Variants in CUX1 observed in about 807,000 individuals in gnomAD.
CUX1 encodes protein CASP.
Under a neutral mutation model 158.8 loss-of-function variants are expected in CUX1, and 31 were observed. That is an observed-to-expected ratio of 0.20 (90% confidence interval 0.15 to 0.26). The LOEUF is 0.26. CUX1 is among the 10% of genes least tolerant of loss of function. The pLI is 1.00. For synonymous variants in CUX1, 879 were observed against 862.1 expected (o/e 1.02, Z -0.34); for missense variants, 1,589 against 2,014.6 (o/e 0.79, Z 4.04).
Position 102,253,327 on chromosome 7 carries a change from A to G in CUX1, c.*4285A>G, listed in dbSNP as rs1402279050. The G allele has an allele frequency of 1.0e-5, 10 of 985,372 alleles. No individual in the cohort carries two copies. Among genetic ancestry groups the G allele is most frequent in the Non-Finnish European group, 1.2e-5 (10 of 829,968 alleles). 61.0% of individuals were successfully genotyped at this position (985,372 alleles called of 1,614,324 possible). ...AGCATCAGGCGTGCAGCTCATGACC[A>G]GTTTACACAGGCTGCAAAGAGATCG... On this transcript the variant is annotated 3_prime_UTR_variant, in exon 24 of 24. Transcript: ENST00000292535.
intron 2 of CUX1, among the ~76,000 whole-genome samples, chr7:101,927,375 T>TTGGGCCAGAAAATGAGC (rs1563020002): frequency 1.1e-4 from 16 of 152,002 alleles, no homozygotes; most frequent in Admixed American, 2.0e-4. Context: ...GAAAATTCAG[T>TTGGGCCAGAAAATGAGC]TGGCCAAGTG....
chr7:101,892,087 C>T (rs10256232), intron 1 of CUX1, among the ~76,000 whole-genome samples: 31,571 of 152,152 alleles, frequency 0.21, 5,016 homozygotes, highest in East Asian at 0.84. Context: ...GATCTAGGAG[C>T]ATCTCTTTTG....
intron 1 of CUX1, among the ~76,000 whole-genome samples, chr7:101,887,332 G>T (rs1218053187): frequency 6.6e-6 from 1 of 151,514 alleles, no homozygotes; most frequent in Non-Finnish European, 1.5e-5. Flanking sequence ...TTTAGAAAGA[G>T]GATCTTGCTC....
At chr7:101,948,806 C>T (rs768111839) in intron 2 of CUX1, among the ~76,000 whole-genome samples, 17 of 152,292 alleles carry the variant, frequency 1.1e-4, no homozygotes, top group South Asian at 2.1e-4. Flanking sequence ...AGTCCCTGAG[C>T]TTGGGACTGG....
intron 2 of CUX1, among the ~76,000 whole-genome samples, chr7:101,957,450 G>A (rs1809914708): frequency 6.6e-6 from 1 of 152,198 alleles, no homozygotes; most frequent in South Asian, 2.1e-4. Context: ...GCAGGGAACG[G>A]TGGCTCACGC....
At position 102,020,283 on chromosome 7, in the gene CUX1, C is replaced by G. The variant is rs1563139547; in HGVS notation, c.142-7815C>G. ...TATAAAAGTAACCAAAGGAACGATG[C>G]CGTGTTGATGGTTATATGGTTCATC... is the stretch of plus-strand genomic sequence containing the variant. On this transcript the variant is annotated intron_variant, in intron 2 of 23. Transcript: ENST00000292535. Among the ~76,000 whole-genome samples the G allele has an allele frequency of 1.3e-5, 2 of 152,222 alleles. 1 individual carries two copies. The highest frequency in any genetic ancestry group is 6.8e-3 in the Middle Eastern group (2 of 294).
chr7:102,223,599 G>A (rs1322768091), intron 20 of CUX1, among the ~76,000 whole-genome samples: 2 of 152,124 alleles, frequency 1.3e-5, no homozygotes, highest in Non-Finnish European at 2.9e-5. Context: ...AGCAGATGGA[G>A]CCCTGTGATT....
At chr7:101,996,322 CCA>C (rs1403300232) in intron 2 of CUX1, among the ~76,000 whole-genome samples, 1 of 151,066 alleles carries the variant, frequency 6.6e-6, no homozygotes, top group East Asian at 1.9e-4. Flanking sequence ...AGAAGGCTCC[CCA>C]GAGTCCGATC....
chr7:102,153,063 C>T (rs1057111235), intron 8 of CUX1, among the ~76,000 whole-genome samples: 3 of 152,210 alleles, frequency 2.0e-5, no homozygotes, highest in African/African-American at 4.8e-5. Flanking sequence ...TGCACCTTCC[C>T]GCGTCAGTGG....
At position 102,168,882 on chromosome 7, in the gene CUX1, G is replaced by GCTTTT. The variant is rs370878244; in HGVS notation, c.724-1538_724-1534dup. 2.1e-3 allele frequency among the ~76,000 whole-genome samples: 299 copies of GCTTTT among 144,208 alleles called. 2 individuals are homozygous for GCTTTT. The highest frequency in any genetic ancestry group is 8.7e-3 in the East Asian group (44 of 5,078). 94.6% of individuals were successfully genotyped at this position (144,208 alleles called of 152,430 possible). A position where few individuals can be genotyped will look rare whatever the true frequency, so the allele number is the denominator to read the frequency against. ...CACGATGGAGACGCTGCTTGGCCAG[G>GCTTTT]CTTTTCTTTTCTTTTCTTTTCTTTT... On this transcript the variant is annotated intron_variant, in intron 9 of 23. Transcript: ENST00000292535.
At chr7:102,275,037 G>A (rs1791510220) in intron 16 of CUX1, among the ~76,000 whole-genome samples, 1 of 152,178 alleles carries the variant, frequency 6.6e-6, no homozygotes, top group South Asian at 2.1e-4. Context: ...TGTCAGGTCA[G>A]CCCCTGCCAT....
In CUX1 at chr7:101,876,394, G is replaced by A. The variant is rs529570221; in HGVS notation, c.31-39721G>A. Among the ~76,000 whole-genome samples the A allele has an allele frequency of 4.5e-4, 67 of 149,244 alleles. 2 individuals are homozygous for A. The South Asian group carries it at 7.9e-3, about 18-fold the overall frequency. ...TTTGTGTCCTAGCCTAGAGTTTACC[G>A]TGCTATTGAAAATATCTTTCGGCTG... is the stretch of plus-strand genomic sequence containing the variant. On this transcript the variant is annotated intron_variant, in intron 1 of 23. Transcript: ENST00000292535.
chr7:102,148,897 C>T (rs1450470799), intron 8 of CUX1, among the ~76,000 whole-genome samples: 1 of 151,712 alleles, frequency 6.6e-6, no homozygotes, highest in Non-Finnish European at 1.5e-5. Context: ...TCGCTTAGCT[C>T]CCACTTACGA....
intron 2 of CUX1, among the ~76,000 whole-genome samples, chr7:102,019,587 G>A (rs1208290676): frequency 6.6e-6 from 1 of 152,138 alleles, no homozygotes; most frequent in East Asian, 1.9e-4. Context: ...CCCACCTGCA[G>A]CTTCAGGGTA....
chr7:102,251,859 A>G lies in CUX1; in HGVS notation c.*2817A>G. The G allele has an allele frequency of 1.0e-6, 1 of 985,434 alleles. No individual in the cohort carries two copies. The highest frequency in any genetic ancestry group is 1.2e-6 in the Non-Finnish European group (1 of 829,908). The allele number at this position is 985,434 out of a possible 1,614,324, so 61.0% of individuals were successfully genotyped here. A position where few individuals can be genotyped will look rare whatever the true frequency, so the allele number is the denominator to read the frequency against. On this transcript the variant is annotated 3_prime_UTR_variant, in exon 24 of 24. Transcript: ENST00000292535. Reference sequence around the variant, plus strand: ...CATGACTGTTATTTACAAAGGTGTTAAATCTGAGGAAATTGACAAATACAG... The same window carrying G: ...CATGACTGTTATTTACAAAGGTGTTGAATCTGAGGAAATTGACAAATACAG...
At chr7:101,895,913 T>G (rs143944421) in intron 1 of CUX1, among the ~76,000 whole-genome samples, 27,230 of 121,406 alleles carry the variant, frequency 0.22, 3,628 homozygotes, top group Non-Finnish European at 0.3. Context: ...TTTTTGTTTT[T>G]TTTTTTTTTT....
At chr7:101,994,869 C>T (rs1276958635) in intron 2 of CUX1, among the ~76,000 whole-genome samples, 1 of 148,092 alleles carries the variant, frequency 6.8e-6, no homozygotes, top group Admixed American at 6.8e-5. Flanking sequence ...GCAGGAGGAC[C>T]ACTTGAGCCC....
chr7:102,180,704 G>C (rs1188475420), intron 11 of CUX1, among the ~76,000 whole-genome samples: 21 of 149,658 alleles, frequency 1.4e-4, no homozygotes, highest in African/African-American at 4.2e-4. Flanking sequence ...TAAGTTTCCA[G>C]CAATCTATTG....
rs1302405838 is a variant in CUX1 at position 102,256,913 on chromosome 7, C to G, written c.*7871C>G. 2 of 985,346 alleles carry G rather than the reference C, an allele frequency of 2.0e-6. No homozygotes were observed. The highest frequency in any genetic ancestry group is 2.4e-6 in the Non-Finnish European group (2 of 829,956). The allele number at this position is 985,346 out of a possible 1,614,324, so 61.0% of individuals were successfully genotyped here. On this transcript the variant is annotated 3_prime_UTR_variant, in exon 24 of 24. Coordinates refer to ENST00000292535, the MANE Select transcript of CUX1 (RefSeq NM_181552.4). ...TACAAAGTTGGTCAAAACCATCTTT[C>G]AAAGCAACAGTGTTTTGTAGTACCA...
Sources: allele counts gnomAD v4.1 joint callset (sites outside exome capture counted in the v4.1 genomes callset), GRCh38; gene constraint gnomAD v4.1.1; transcripts MANE v1.5; gene names NCBI Gene and HGNC (gene_info 2026-07-23, HGNC 2026-07-21).